CECR2: variants seen among roughly 807,000 people sequenced by gnomAD.
CECR2 encodes chromatin remodeling regulator CECR2.
In CECR2, 30 loss-of-function variants were observed where a neutral mutation model predicts 154.5. The ratio of observed to expected loss-of-function variants is 0.19; its 90% CI spans 0.15 to 0.26. The LOEUF is 0.26. Among genes scored for constraint, CECR2 ranks in the 10% least tolerant of loss-of-function variants. The pLI is 1.00. For synonymous variants in CECR2, 725 were observed against 683.7 expected, an observed-to-expected ratio of 1.06 and a Z score of -0.94; for missense variants, 1,743 against 1,829.3, an observed-to-expected ratio of 0.95 and a Z score of 0.86.
intron 1 of CECR2, among the ~76,000 whole-genome samples, chr22:17,360,236 C>T (rs531209066): frequency 5.3e-5 from 8 of 152,338 alleles, no homozygotes; most frequent in Middle Eastern, 3.4e-3. Context: ...TGCAGTGGCA[C>T]GTCTGCAGTC....
At chr22:17,467,239 A>G (rs1287359696) in intron 1 of CECR2, among the ~76,000 whole-genome samples, 1 of 152,214 alleles carries the variant, frequency 6.6e-6, no homozygotes, top group Non-Finnish European at 1.5e-5. Context: ...AAGCCATAGG[A>G]ACAAGTCTGA....
At chr22:17,423,037 C>T (rs1381858320) in intron 1 of CECR2, among the ~76,000 whole-genome samples, 2 of 152,124 alleles carry the variant, frequency 1.3e-5, no homozygotes, top group Admixed American at 6.6e-5. Context: ...GATGCTTGTT[C>T]TGCCTCTTCA....
intron 5 of CECR2, among the ~76,000 whole-genome samples, chr22:17,502,274 G>A (rs778734942): frequency 1.3e-5 from 2 of 152,068 alleles, no homozygotes; most frequent in African/African-American, 2.4e-5. Context: ...TTCCCCCTTC[G>A]GAGCCCATGC....
At chr22:17,528,398 C>T (rs2056300058) in intron 9 of CECR2, among the ~76,000 whole-genome samples, 1 of 151,994 alleles carries the variant, frequency 6.6e-6, no homozygotes, top group Non-Finnish European at 1.5e-5. Flanking sequence ...AGGATGGTTA[C>T]CAGAGGCTGG....
chr22:17,429,557 C>G (rs9617580), intron 1 of CECR2, among the ~76,000 whole-genome samples: 1 of 131,312 alleles, frequency 7.6e-6, no homozygotes, highest in African/African-American at 3.2e-5. Flanking sequence ...AAAACAAAAA[C>G]AAAGAAAAGA....
chr22:17,519,546 C>T (rs970293412), intron 8 of CECR2, among the ~76,000 whole-genome samples: 2 of 152,132 alleles, frequency 1.3e-5, no homozygotes, highest in Non-Finnish European at 2.9e-5. Flanking sequence ...GCATGGGCCA[C>T]CATGCCCGGC....
chr22:17,518,422 C>T (rs174301), intron 8 of CECR2, among the ~76,000 whole-genome samples: 21,349 of 152,170 alleles, frequency 0.14, 1,945 homozygotes, highest in Non-Finnish European at 0.2. Context: ...CAAGTAAAAA[C>T]AGCATGGTCT....
At chr22:17,457,993 G>A (rs2054880105) in intron 1 of CECR2, among the ~76,000 whole-genome samples, 1 of 152,180 alleles carries the variant, frequency 6.6e-6, no homozygotes, top group African/African-American at 2.4e-5. Context: ...TGGTTGCCAA[G>A]GATTAGAGAT....
intron 4 of CECR2, 139 bp from the exon 5 acceptor site, chr22:17,500,492 G>A (rs2055717377): frequency 1.1e-5 from 7 of 611,878 alleles, no homozygotes; most frequent in African/African-American, 1.8e-5. Context: ...AATGAAGACT[G>A]GAAGTTGCTG....
At chr22:17,406,534 C>A (rs2146551538) in intron 1 of CECR2, among the ~76,000 whole-genome samples, 1 of 152,074 alleles carries the variant, frequency 6.6e-6, no homozygotes, top group Non-Finnish European at 1.5e-5. Context: ...CCTCCCCCCA[C>A]CCCTCCCTCC....
intron 1 of CECR2, among the ~76,000 whole-genome samples, chr22:17,452,320 C>T (rs754919562): frequency 1.3e-5 from 2 of 152,168 alleles, no homozygotes; most frequent in Admixed American, 6.5e-5. Context: ...GTGATCCACC[C>T]GCCTTGGCCT....
At position 17,538,505 on chromosome 22, in the gene CECR2, T is replaced by C. The variant is rs370143542; in HGVS notation, c.1239-15T>C. The C allele has an allele frequency of 8.7e-6, 14 of 1,612,696 alleles. No individual in the cohort carries two copies. The highest frequency in any genetic ancestry group is 1.2e-5 in the Non-Finnish European group (14 of 1,178,804). On this transcript the variant is annotated splice_polypyrimidine_tract_variant and intron_variant, in intron 10 of 18. Coordinates refer to ENST00000262608, the MANE Select transcript of CECR2 (RefSeq NM_001290047.2). ...GGTCAGAGTTACTATTAATTTCTTATTTTGTGATTTACAGCTTTGAGTTGG... is the reference window on the plus strand; with the variant it reads ...GGTCAGAGTTACTATTAATTTCTTACTTTGTGATTTACAGCTTTGAGTTGG...
rs182546273 is a variant in CECR2 at position 17,439,656 on chromosome 22, T to G, written c.127-37932T>G. Among the ~76,000 whole-genome samples the G allele has an allele frequency of 2.4e-4, 36 of 152,338 alleles. 1 individual carries two copies. In the East Asian group the frequency reaches 6.9e-3, roughly 29 times the overall value. ...CAAAAAAATTAGACTGATCAGCCTT[T>G]TTGAAAAACAATCTGGTAGTACCTA... is the stretch of plus-strand genomic sequence containing the variant. On this transcript the variant is annotated intron_variant, in intron 1 of 18. Coordinates refer to ENST00000262608, the MANE Select transcript of CECR2 (RefSeq NM_001290047.2).
intron 2 of CECR2, among the ~76,000 whole-genome samples, chr22:17,494,367 C>T (rs1218158231): frequency 1.3e-5 from 2 of 151,770 alleles, no homozygotes; most frequent in East Asian, 2.0e-4. Context: ...TTTTCATTTT[C>T]AAATTCACCG....
chr22:17,516,289 G>T (rs1311986134), intron 8 of CECR2, among the ~76,000 whole-genome samples: 1 of 151,532 alleles, frequency 6.6e-6, no homozygotes, highest in African/African-American at 2.4e-5. Context: ...TATATTATAT[G>T]TGTATACATT....
intron 16 of CECR2, among the ~76,000 whole-genome samples, chr22:17,546,403 G>A (rs1055146579): frequency 3.4e-5 from 5 of 149,186 alleles, no homozygotes; most frequent in South Asian, 2.1e-4. Context: ...GGAGAATGGC[G>A]TGAACCCGGG....
Position 17,555,821 on chromosome 22 carries a change from TG to T in CECR2, c.*2985del. On this transcript the variant is annotated 3_prime_UTR_variant, in exon 19 of 19. Transcript: ENST00000262608. ...CGGCTCTCAGTGGTCCCCAGGAGGA[TG>T]GGGATAGCTGAGATCGTGGAGAATG... The T allele has an allele frequency of 6.6e-6, 1 of 152,252 alleles. No homozygotes were observed. Among genetic ancestry groups the T allele is most frequent in the East Asian group, 1.9e-4 (1 of 5,178 alleles). 9.4% of individuals were successfully genotyped at this position (152,252 alleles called of 1,614,324 possible).
chr22:17,408,752 C>T (rs2054022733), intron 1 of CECR2, among the ~76,000 whole-genome samples: 2 of 152,186 alleles, frequency 1.3e-5, no homozygotes, highest in African/African-American at 4.8e-5. Flanking sequence ...CCTGATTTAG[C>T]ACCTACCTTG....
intron 8 of CECR2, among the ~76,000 whole-genome samples, chr22:17,517,304 T>C (rs2056077383): frequency 6.6e-6 from 1 of 152,226 alleles, no homozygotes; most frequent in South Asian, 2.1e-4. Flanking sequence ...TCCGCCACGA[T>C]TATAAGTTTC....
Sources: allele counts gnomAD v4.1 joint callset (sites outside exome capture counted in the v4.1 genomes callset), GRCh38; gene constraint gnomAD v4.1.1; transcripts MANE v1.5; gene names NCBI Gene and HGNC (gene_info 2026-07-23, HGNC 2026-07-21).